Variants in NTNG2 observed in about 807,000 individuals in gnomAD.
NTNG2 encodes netrin G2, also known as netrin-G2.
A neutral mutation model predicts 47.6 loss-of-function variants in NTNG2; 15 were observed. That is an observed-to-expected ratio of 0.32 (90% CI 0.21 to 0.49). The LOEUF (loss-of-function observed/expected upper bound fraction) is 0.49. Among genes scored for constraint, NTNG2 ranks in the 20% least tolerant of loss-of-function variants. NTNG2 has a pLI of 0.99. For synonymous variants in NTNG2, 307 were observed against 324.6 expected (o/e 0.95, Z 0.58); for missense variants, 578 against 764.6 (o/e 0.76, Z 2.88).
chr9:132,213,427 G>T (rs1236458612), intron 3 of NTNG2, among the ~76,000 whole-genome samples: 2 of 151,396 alleles, frequency 1.3e-5, no homozygotes, highest in Non-Finnish European at 2.9e-5. Context: ...CCATCCATTG[G>T]CCACGGCCAC....
At chr9:132,223,742 T>TATTC (rs1486526292) in intron 3 of NTNG2, among the ~76,000 whole-genome samples, 3 of 152,236 alleles carry the variant, frequency 2.0e-5, no homozygotes, top group African/African-American at 4.8e-5. Flanking sequence ...TCCAGGCCTC[T>TATTC]ATTCGCAGGA....
intron 3 of NTNG2, among the ~76,000 whole-genome samples, chr9:132,213,309 A>T (rs1178085159): frequency 7.1e-6 from 1 of 140,796 alleles, no homozygotes; most frequent in Non-Finnish European, 1.5e-5. Context: ...AGCCTGGGCG[A>T]TGACAGAGTA....
rs1484152844 is a variant in NTNG2, at chr9:132,242,206, C to A, written c.*95C>A. The A allele has an allele frequency of 1.2e-5, 6 of 489,808 alleles. No individual in the cohort carries two copies. The highest frequency in any genetic ancestry group is 1.6e-5 in the Non-Finnish European group (6 of 367,770). 30.3% of individuals were successfully genotyped at this position (489,808 alleles called of 1,614,324 possible). ...CCGAGGCCGGGCGGTGAGAAGGGTG[C>A]GGCCCGAGGTGCTCCCAGGTGCTAC... is the stretch of plus-strand genomic sequence containing the variant. On this transcript the variant is annotated 3_prime_UTR_variant, in exon 8 of 8. Coordinates refer to ENST00000393229, the MANE Select transcript of NTNG2 (RefSeq NM_032536.4). This position sits in a 1 kb window ranked among gnomAD's most constrained non-coding sequence, Gnocchi z 5.9.
intron 2 of NTNG2, among the ~76,000 whole-genome samples, chr9:132,188,960 C>G (rs1303034536): frequency 6.6e-6 from 1 of 152,070 alleles, no homozygotes; most frequent in Non-Finnish European, 1.5e-5. Context: ...TTTTCCTCAC[C>G]CATTCTATGT....
intron 3 of NTNG2, among the ~76,000 whole-genome samples, chr9:132,225,691 C>A (rs544900362): frequency 5.9e-5 from 9 of 152,160 alleles, no homozygotes; most frequent in Non-Finnish European, 1.0e-4. Flanking sequence ...CATAAATATA[C>A]GTTCCATTTG....
intron 2 of NTNG2, among the ~76,000 whole-genome samples, chr9:132,169,300 G>A (rs1022798469): frequency 2.0e-5 from 3 of 152,252 alleles, no homozygotes; most frequent in African/African-American, 7.2e-5. Flanking sequence ...GATGAGGACG[G>A]GGAGGCCGCC....
chr9:132,210,835 G>A (rs927552066), intron 3 of NTNG2, among the ~76,000 whole-genome samples: 3 of 152,110 alleles, frequency 2.0e-5, no homozygotes, highest in Non-Finnish European at 4.4e-5. Context: ...GAGGATCCCT[G>A]GCCCTTCATC....
At position 132,218,043 on chromosome 9, in the gene NTNG2, T is replaced by C. The variant is rs1564427785; in HGVS notation, c.858-8806T>C. 6.6e-6 allele frequency among the ~76,000 whole-genome samples: 1 copy of C among 152,290 alleles called. No individual in the cohort carries two copies. The highest frequency in any genetic ancestry group is 1.5e-5 in the Non-Finnish European group (1 of 68,028). On this transcript the variant is annotated intron_variant, in intron 3 of 7. Transcript: ENST00000393229. This position sits in a 1 kb window ranked among gnomAD's most constrained non-coding sequence, Gnocchi z 5.4. ...GGCAGCCTGTGGCATACACAAGATA[T>C]TGTTTCCCGCTCTTCAGGTGAGAAA...
chr9:132,198,413 A>G lies in NTNG2; in HGVS notation c.661A>G (p.Ile221Val), dbSNP rs2130731648. 4 of 1,613,084 alleles carry G rather than the reference A, an allele frequency of 2.5e-6. No homozygotes were observed. Among genetic ancestry groups the G allele is most frequent in the South Asian group, 2.2e-5 (2 of 91,088 alleles). ...CTTCGAGGTGCGGGACCGCTTCGCC[A>G]TCTTTGCCGGCCCCGACCTGCGCAA... ...VRFEVRDRFA[I>V]FAGPDLRNMD... The change falls in exon 3 of 8, where the codon ATC becomes GTC. Residue 221 changes from isoleucine to valine, a missense_variant. Transcript: ENST00000393229.
rs1228034310 is a variant in NTNG2 at position 132,197,503 on chromosome 9, A to C, written c.214-463A>C. Among the ~76,000 whole-genome samples the C allele has an allele frequency of 1.3e-5, 2 of 152,214 alleles. No individual in the cohort carries two copies. The highest frequency in any genetic ancestry group is 2.9e-5 in the Non-Finnish European group (2 of 68,036). On this transcript the variant is annotated intron_variant, in intron 2 of 7. Transcript: ENST00000393229. The surrounding 1 kb of genome is among the most constrained non-coding windows in gnomAD (Gnocchi z 4.3). ...GGAATTTTTGAGGCGGACAGAGTGGAAGGGCACATGAAGGAGACAGAATGC... is the reference window on the plus strand; with the variant it reads ...GGAATTTTTGAGGCGGACAGAGTGGCAGGGCACATGAAGGAGACAGAATGC...
At position 132,163,210 on chromosome 9, in the gene NTNG2, G is replaced by A. The variant is rs1357588938; in HGVS notation, c.-484+971G>A. 6.6e-6 allele frequency among the ~76,000 whole-genome samples: 1 copy of A among 152,148 alleles called. No individual in the cohort carries two copies. The highest frequency in any genetic ancestry group is 2.4e-5 in the African/African-American group (1 of 41,440). On this transcript the variant is annotated intron_variant, in intron 1 of 7. Coordinates refer to ENST00000393229, the MANE Select transcript of NTNG2 (RefSeq NM_032536.4). The surrounding 1 kb of genome is among the most constrained non-coding windows in gnomAD (Gnocchi z 7.2). ...GAAGACGAAAAGCAGCTGCGGGGCT[G>A]CCGGGTCGTCGGTGTCCTAGGCACA...
chr9:132,179,821 C>T (rs1018538374), intron 2 of NTNG2, among the ~76,000 whole-genome samples: 1 of 152,224 alleles, frequency 6.6e-6, no homozygotes, highest in Non-Finnish European at 1.5e-5. Context: ...CGTCACTGTC[C>T]TGTCCTGCCT....
Position 132,218,801 on chromosome 9 carries a change from T to C in NTNG2, c.858-8048T>C, listed in dbSNP as rs1381282211. ...CGTGAGCCAACGCGCCCGGCCCCAATGTGATAGGTTTATAAAAATAGGAAA... is the reference window on the plus strand; with the variant it reads ...CGTGAGCCAACGCGCCCGGCCCCAACGTGATAGGTTTATAAAAATAGGAAA... On this transcript the variant is annotated intron_variant, in intron 3 of 7. Coordinates refer to ENST00000393229, the MANE Select transcript of NTNG2 (RefSeq NM_032536.4). The surrounding 1 kb of genome is among the most constrained non-coding windows in gnomAD (Gnocchi z 5.4). 6.6e-6 allele frequency among the ~76,000 whole-genome samples: 1 copy of C among 152,034 alleles called. No individual in the cohort carries two copies. The highest frequency in any genetic ancestry group is 6.6e-5 in the Admixed American group (1 of 15,262).
chr9:132,188,345 G>C (rs376465254), intron 2 of NTNG2, among the ~76,000 whole-genome samples: 1 of 152,248 alleles, frequency 6.6e-6, no homozygotes, highest in East Asian at 1.9e-4. Context: ...CTGCCTCCCC[G>C]TGGAACCCGA....
At chr9:132,225,223 T>C (rs1260131023) in intron 3 of NTNG2, among the ~76,000 whole-genome samples, 1 of 91,936 alleles carries the variant, frequency 1.1e-5, no homozygotes, top group Non-Finnish European at 2.3e-5. Flanking sequence ...GGCCCTTTTG[T>C]TTTGTCTTGT....
intron 3 of NTNG2, among the ~76,000 whole-genome samples, chr9:132,214,874 ATTT>A (rs60721815): frequency 3.3e-5 from 5 of 149,532 alleles, no homozygotes; most frequent in Admixed American, 6.7e-5. Context: ...TTCAAAAAAA[ATTT>A]TTTTTTTTTT....
At position 132,197,849 on chromosome 9, in the gene NTNG2, C is replaced by T; in HGVS notation, c.214-117C>T. On this transcript the variant is annotated intron_variant, in intron 2 of 7. Coordinates refer to ENST00000393229, the MANE Select transcript of NTNG2 (RefSeq NM_032536.4). This position sits in a 1 kb window ranked among gnomAD's most constrained non-coding sequence, Gnocchi z 4.3. ...TGTGTCTGGGCACCGGAGCACAGGC[C>T]CTGTAGCCACAGAGCAGGTTTCTCG... 1.1e-6 allele frequency: 1 copy of T among 936,238 alleles called. No individual in the cohort carries two copies. Among genetic ancestry groups the T allele is most frequent in the Non-Finnish European group, 1.6e-6 (1 of 635,918 alleles). 58.0% of individuals were successfully genotyped at this position (936,238 alleles called of 1,614,324 possible). A position where few individuals can be genotyped will look rare whatever the true frequency, so the allele number is the denominator to read the frequency against.
intron 6 of NTNG2, among the ~76,000 whole-genome samples, chr9:132,240,074 G>A (rs547256208): frequency 1.3e-4 from 20 of 152,352 alleles, no homozygotes; most frequent in African/African-American, 4.1e-4. Context: ...GCCAGGTCTC[G>A]GCCTCAGGGG....
chr9:132,208,866 G>A lies in NTNG2; in HGVS notation c.857+10257G>A, dbSNP rs562807693. Among the ~76,000 whole-genome samples, 231 of 152,294 alleles carry A rather than the reference G, an allele frequency of 1.5e-3. No individual in the cohort carries two copies. Among genetic ancestry groups the A allele is most frequent in the Middle Eastern group, 6.8e-3 (2 of 294 alleles). ...GGCCCACAACAGCCCGTCTCTCCAAGAACTCCCGTCCCGAGACCCCTGGAA... is the reference window on the plus strand; with the variant it reads ...GGCCCACAACAGCCCGTCTCTCCAAAAACTCCCGTCCCGAGACCCCTGGAA... On this transcript the variant is annotated intron_variant, in intron 3 of 7. Transcript: ENST00000393229. The surrounding 1 kb of genome is among the most constrained non-coding windows in gnomAD (Gnocchi z 4.0).
Sources: gnomAD v4.1 joint callset for allele counts (sites outside exome capture counted in the v4.1 genomes callset) on GRCh38, gnomAD v4.1.1 for gene constraint, Gnocchi (gnomAD v3.1) non-coding constraint, MANE v1.5 for transcripts, NCBI Gene and HGNC (gene_info 2026-07-23, HGNC 2026-07-21) for gene names.